Variants in AUTS2 observed in about 807,000 individuals in gnomAD.
The protein encoded by AUTS2 is autism susceptibility gene 2 protein.
AUTS2 carries 17 observed loss-of-function variants against 112.4 expected under a neutral mutation model. That is an observed-to-expected ratio of 0.15 (90% CI 0.10 to 0.23). AUTS2 has a LOEUF of 0.23. Among genes scored for constraint, AUTS2 ranks in the 10% least tolerant of loss-of-function variants. The pLI is 1.00. For synonymous variants in AUTS2, 751 were observed against 702.7 expected, an observed-to-expected ratio of 1.07 and a Z score of -1.09; for missense variants, 1,510 against 1,701.6, an observed-to-expected ratio of 0.89 and a Z score of 1.98.
chr7:69,766,239 T>C lies in AUTS2; in HGVS notation c.310-133047T>C, dbSNP rs960239088. 1.7e-4 allele frequency among the ~76,000 whole-genome samples: 26 copies of C among 152,238 alleles called. 1 individual carries two copies. Among genetic ancestry groups the C allele is most frequent in the African/African-American group, 5.3e-4 (22 of 41,476 alleles). On this transcript the variant is annotated intron_variant, in intron 1 of 18. Coordinates refer to ENST00000342771, the MANE Select transcript of AUTS2 (RefSeq NM_015570.4). ...TGTGACTAGTTTATTTTACTTAACA[T>C]ACCCTCAAGGTTCATTCATGTTGTA...
At chr7:70,055,726 G>A (rs1394714159) in intron 2 of AUTS2, among the ~76,000 whole-genome samples, 1 of 152,160 alleles carries the variant, frequency 6.6e-6, no homozygotes, top group Non-Finnish European at 1.5e-5. Context: ...ATTAAGGTGG[G>A]TATTGTTAGT....
At chr7:69,758,978 A>G (rs911252777) in intron 1 of AUTS2, among the ~76,000 whole-genome samples, 2 of 152,166 alleles carry the variant, frequency 1.3e-5, no homozygotes, top group African/African-American at 4.8e-5. Context: ...AAATAAATAA[A>G]TGTGGGTGAG....
At chr7:70,004,831 T>TTATG (rs1197504902) in intron 2 of AUTS2, among the ~76,000 whole-genome samples, 2 of 151,318 alleles carry the variant, frequency 1.3e-5, no homozygotes, top group African/African-American at 4.9e-5. Context: ...ATTTATTTAT[T>TTATG]TATTTATTTA....
intron 4 of AUTS2, among the ~76,000 whole-genome samples, chr7:70,330,963 A>G (rs927768558): frequency 2.6e-5 from 4 of 152,156 alleles, no homozygotes; most frequent in African/African-American, 9.7e-5. Flanking sequence ...CAGCTGGTTG[A>G]GAATTTTTGC....
chr7:69,611,993 G>A (rs1793065742), intron 1 of AUTS2, among the ~76,000 whole-genome samples: 1 of 147,398 alleles, frequency 6.8e-6, no homozygotes, highest in East Asian at 2.0e-4. Context: ...TTTCCACTTT[G>A]AATCATTCAA....
In AUTS2 at chr7:70,360,078, G is replaced by A. The variant is rs559282461; in HGVS notation, c.661-75674G>A. Among the ~76,000 whole-genome samples, 6 of 152,214 alleles carry A rather than the reference G, an allele frequency of 3.9e-5. No homozygotes were observed. In the South Asian group the frequency reaches 1.2e-3, roughly 32 times the overall value. On this transcript the variant is annotated intron_variant, in intron 4 of 18. Transcript: ENST00000342771. Reference sequence around the variant, plus strand: ...ATATTGTTTATTGTGTAAATGAGACGCTTTACTTTCAAAGAATGCTAATAT... The same window carrying A: ...ATATTGTTTATTGTGTAAATGAGACACTTTACTTTCAAAGAATGCTAATAT...
intron 1 of AUTS2, among the ~76,000 whole-genome samples, chr7:69,768,088 G>T (rs530771864): frequency 6.6e-6 from 1 of 152,124 alleles, no homozygotes; most frequent in African/African-American, 2.4e-5. Context: ...AGTATTTGGT[G>T]TATTGTTCTG....
chr7:70,093,168 T>C (rs2129568032), intron 2 of AUTS2, among the ~76,000 whole-genome samples: 1 of 152,306 alleles, frequency 6.6e-6, no homozygotes, highest in Admixed American at 6.5e-5. Context: ...TCGTAGCCCG[T>C]ATTTTCAGAC....
chr7:69,619,165 G>A (rs1793530482), intron 1 of AUTS2, among the ~76,000 whole-genome samples: 1 of 152,116 alleles, frequency 6.6e-6, no homozygotes, highest in African/African-American at 2.4e-5. Context: ...TCAAGATTCT[G>A]GAGGGTAATG....
At chr7:70,393,606 C>T (rs766431629) in intron 4 of AUTS2, among the ~76,000 whole-genome samples, 1 of 152,076 alleles carries the variant, frequency 6.6e-6, no homozygotes, top group Non-Finnish European at 1.5e-5. Context: ...TCTGTCCTTG[C>T]GAAGACGATA....
intron 2 of AUTS2, among the ~76,000 whole-genome samples, chr7:69,902,601 T>C (rs1383507340): frequency 6.6e-6 from 1 of 152,326 alleles, no homozygotes; most frequent in African/African-American, 2.4e-5. Context: ...CCTGTAATTA[T>C]GGGAAGATGT....
rs376584245 is a variant in AUTS2, at chr7:70,446,985, C to G, written c.690+11204C>G. On this transcript the variant is annotated intron_variant, in intron 5 of 18. Coordinates refer to ENST00000342771, the MANE Select transcript of AUTS2 (RefSeq NM_015570.4). ...CAGTGGCTGCTGCCATCTGCTCTCT[C>G]TCCTTGATGACTTCAGCCCCCAGGG... Among the ~76,000 whole-genome samples the G allele has an allele frequency of 4.4e-4, 67 of 152,306 alleles. 1 individual carries two copies. The East Asian group carries it at 0.012, about 27-fold the overall frequency.
chr7:70,094,447 A>C (rs994461604), intron 2 of AUTS2, among the ~76,000 whole-genome samples: 3 of 152,220 alleles, frequency 2.0e-5, no homozygotes, highest in African/African-American at 7.2e-5. Flanking sequence ...AAGCAAAGGA[A>C]ACATACAGAA....
At position 70,766,447 on chromosome 7, in the gene AUTS2, G is replaced by GTCCA; in HGVS notation, c.1689+113_1689+114insTCCA. ...CACCAGAGATCGAATGGGGACTGAC[G>GTCCA]GCTGTTGGCTGGAGAGAAGGGAATG... is the stretch of plus-strand genomic sequence containing the variant. On this transcript the variant is annotated intron_variant, in intron 9 of 18. Transcript: ENST00000342771. This position sits in a 1 kb window ranked among gnomAD's most constrained non-coding sequence, Gnocchi z 4.8. The GTCCA allele has an allele frequency of 7.5e-7, 1 of 1,337,862 alleles. No individual in the cohort carries two copies. The highest frequency in any genetic ancestry group is 1.0e-6 in the Non-Finnish European group (1 of 961,222). The allele number at this position is 1,337,862 out of a possible 1,614,324, so 82.9% of individuals were successfully genotyped here.
chr7:69,846,656 C>T (rs1428751747), intron 1 of AUTS2, among the ~76,000 whole-genome samples: 1 of 152,220 alleles, frequency 6.6e-6, no homozygotes, highest in East Asian at 1.9e-4. Context: ...TCACTACAAT[C>T]TCCACCTCTT....
chr7:69,813,115 C>A (rs1790615806), intron 1 of AUTS2, among the ~76,000 whole-genome samples: 1 of 152,184 alleles, frequency 6.6e-6, no homozygotes, highest in Non-Finnish European at 1.5e-5. Flanking sequence ...CTCCTACTAT[C>A]CCCTTAGATT....
intron 1 of AUTS2, among the ~76,000 whole-genome samples, chr7:69,667,950 C>G (rs1487633653): frequency 6.6e-6 from 1 of 152,204 alleles, no homozygotes; most frequent in Non-Finnish European, 1.5e-5. Context: ...TTTTCTGATG[C>G]AACAAGCAGC....
In AUTS2 at chr7:70,608,839, G is replaced by C. The variant is rs183975101; in HGVS notation, c.691-89730G>C. Among the ~76,000 whole-genome samples, 391 of 152,312 alleles carry C rather than the reference G, an allele frequency of 2.6e-3. 1 individual carries two copies. The highest frequency in any genetic ancestry group is 8.1e-3 in the African/African-American group (337 of 41,560). ...GCATTTTTAATTTGGTGACTTGCCC[G>C]ATTAAATGCAATAAAGACTACATGT... On this transcript the variant is annotated intron_variant, in intron 5 of 18. Coordinates refer to ENST00000342771, the MANE Select transcript of AUTS2 (RefSeq NM_015570.4).
chr7:69,992,921 A>G (rs1798797985), intron 2 of AUTS2, among the ~76,000 whole-genome samples: 1 of 152,196 alleles, frequency 6.6e-6, no homozygotes. Context: ...CACTAGAGTT[A>G]TGGAATCAGG....
Sources: allele counts gnomAD v4.1 joint callset (sites outside exome capture counted in the v4.1 genomes callset), GRCh38; gene constraint gnomAD v4.1.1; non-coding constraint Gnocchi (gnomAD v3.1); transcripts MANE v1.5; gene names NCBI Gene and HGNC (gene_info 2026-07-23, HGNC 2026-07-21).